RBM34: variants seen among roughly 807,000 people sequenced by gnomAD.
RBM34 encodes the protein RNA binding motif protein 34, also known as RNA-binding protein 34.
A neutral mutation model predicts 44.6 loss-of-function variants in RBM34; 39 were observed. That is an observed-to-expected ratio of 0.87 (90% CI 0.68 to 1.14). RBM34 has a LOEUF of 1.14. RBM34 is among the 50% of genes most tolerant of loss of function. RBM34 has a pLI of 0.00. For synonymous variants in RBM34, 194 were observed against 184.0 expected (o/e 1.05, Z -0.44); for missense variants, 572 against 517.9 (o/e 1.10, Z -1.01).
chr1:235,155,166 G>T, intron 3 of RBM34, 54 bp from the exon 4 acceptor site: 1 of 1,431,010 alleles, frequency 7.0e-7, no homozygotes, highest in Non-Finnish European at 9.7e-7. Context: ...GTTAGGTCTA[G>T]TATTTGACAA....
At position 235,137,780 on chromosome 1, in the gene RBM34, C is replaced by G. The variant is rs371536391; in HGVS notation, c.849+97G>C. ...AGGCTGTTTCCTTCTGCGCTTCCCT[C>G]ACATTGCTGATTCCAGTCCCCTTCC... On this transcript the variant is annotated intron_variant, in intron 8 of 10. Transcript: ENST00000408888. 8.5e-4 allele frequency: 794 copies of G among 929,972 alleles called. 14 individuals are homozygous for G. In the South Asian group the frequency reaches 0.013, roughly 15 times the overall value. The allele number at this position is 929,972 out of a possible 1,614,324, so 57.6% of individuals were successfully genotyped here.
At chr1:235,138,389 T>A (rs1052421590) in intron 6 of RBM34, among the ~76,000 whole-genome samples, 3 of 152,236 alleles carry the variant, frequency 2.0e-5, no homozygotes, top group Non-Finnish European at 2.9e-5. Context: ...CAACCCATAC[T>A]TTCTTAGGAA....
chr1:235,153,678 G>T (rs999398744), intron 4 of RBM34, among the ~76,000 whole-genome samples: 1 of 151,988 alleles, frequency 6.6e-6, no homozygotes, highest in Non-Finnish European at 1.5e-5. Flanking sequence ...CGCCCGCCTT[G>T]GCCTTCCAGA....
chr1:235,152,643 T>A (rs1388953902), intron 5 of RBM34, 63 bp downstream of exon 5: 1 of 1,574,162 alleles, frequency 6.4e-7, no homozygotes, highest in Admixed American at 2.0e-5. Context: ...CAGCAATAAG[T>A]TCATCTGATT....
rs781538865 is a variant in RBM34, at chr1:235,160,590, T to C, written c.286A>G (p.Arg96Gly). The C allele has an allele frequency of 1.9e-5, 31 of 1,613,990 alleles. No individual in the cohort carries two copies. The highest frequency in any genetic ancestry group is 1.6e-4 in the Middle Eastern group (1 of 6,084). The change falls in exon 3 of 11, where the codon AGA becomes GGA. Residue 96 changes from arginine (R) to glycine (G), a missense_variant. Coordinates refer to ENST00000408888, the MANE Select transcript of RBM34 (RefSeq NM_015014.4). ...EEEESTSQIE[R>G]PLSQEPAKKV... is the part of the protein sequence containing the mutation. Reference sequence around the variant, plus strand: ...TTGGCAGGTTCTTGCGAAAGTGGTCTTTCAATCTGGGATGTACTTTCTTCC... The same window carrying C: ...TTGGCAGGTTCTTGCGAAAGTGGTCCTTCAATCTGGGATGTACTTTCTTCC...
At chr1:235,151,616 T>C (rs1005001128) in intron 5 of RBM34, among the ~76,000 whole-genome samples, 1 of 152,100 alleles carries the variant, frequency 6.6e-6, no homozygotes, top group Non-Finnish European at 1.5e-5. Flanking sequence ...CCATGGATGT[T>C]ACTAAACATC....
At position 235,138,806 on chromosome 1, in the gene RBM34, T is replaced by C. The variant is rs528554674; in HGVS notation, c.702-632A>G. Among the ~76,000 whole-genome samples the C allele has an allele frequency of 5.9e-3, 632 of 107,778 alleles. 4 individuals are homozygous for C. Among genetic ancestry groups the C allele is most frequent in the Middle Eastern group, 0.016 (3 of 186 alleles). The allele number at this position is 107,778 out of a possible 152,430, so 70.7% of individuals were successfully genotyped here. A position where few individuals can be genotyped will look rare whatever the true frequency, so the allele number is the denominator to read the frequency against. On this transcript the variant is annotated intron_variant, in intron 6 of 10. Coordinates refer to ENST00000408888, the MANE Select transcript of RBM34 (RefSeq NM_015014.4). ...TTGACCTGATATGTCTTTTGAATCT[T>C]GTTTAATTTACAGAGTTTTCTCTGT...
At chr1:235,143,685 C>T (rs1204639736) in intron 6 of RBM34, among the ~76,000 whole-genome samples, 1 of 152,090 alleles carries the variant, frequency 6.6e-6, no homozygotes, top group African/African-American at 2.4e-5. Context: ...TTGCAATTAG[C>T]CGAGATGGTA....
At chr1:235,141,868 A>T (rs1229999427) in intron 6 of RBM34, among the ~76,000 whole-genome samples, 1 of 152,212 alleles carries the variant, frequency 6.6e-6, no homozygotes, top group African/African-American at 2.4e-5. Context: ...TCCGAACATC[A>T]GAAGGAACAG....
intron 3 of RBM34, 151 bp downstream of exon 3, chr1:235,160,360 C>T (rs1405354443): frequency 1.9e-6 from 2 of 1,037,006 alleles, no homozygotes; most frequent in African/African-American, 1.6e-5. Flanking sequence ...GTTTCTTAGC[C>T]TTTTCAACTT....
In RBM34 at chr1:235,155,187, T is replaced by C. The variant is rs917291557; in HGVS notation, c.366-75A>G. ...TCTAGTATTTGACAAAGCACAGCCC[T>C]ACCCTCCCGACTAGAAATATTTCCC... On this transcript the variant is annotated intron_variant, in intron 3 of 10. Transcript: ENST00000408888. 3.6e-6 allele frequency: 4 copies of C among 1,121,042 alleles called. No individual in the cohort carries two copies. In the South Asian group the frequency reaches 4.1e-5, roughly 12 times the overall value. The allele number at this position is 1,121,042 out of a possible 1,614,324, so 69.4% of individuals were successfully genotyped here. A position where few individuals can be genotyped will look rare whatever the true frequency, so the allele number is the denominator to read the frequency against.
At chr1:235,151,598 G>C (rs1026778426) in intron 5 of RBM34, among the ~76,000 whole-genome samples, 8 of 152,052 alleles carry the variant, frequency 5.3e-5, no homozygotes, top group Non-Finnish European at 8.8e-5. Flanking sequence ...GCATCTAGTG[G>C]GTAAAGACCA....
At chr1:235,154,799 ATGAC>A (rs562704727) in intron 4 of RBM34, 78 bp downstream of exon 4, 152 of 1,077,562 alleles carry the variant, frequency 1.4e-4, no homozygotes, top group Non-Finnish European at 1.8e-4. Context: ...AGTTATATCC[ATGAC>A]TTACTATTGA....
Position 235,161,201 on chromosome 1 carries a change from C to A in RBM34, c.26G>T (p.Arg9Leu). 6.2e-7 allele frequency: 1 copy of A among 1,610,372 alleles called. No individual in the cohort carries two copies. Among genetic ancestry groups the A allele is most frequent in the Non-Finnish European group, 8.5e-7 (1 of 1,177,918 alleles). The change falls in exon 1 of 11, where the codon CGG (arginine) becomes CTG (leucine). Residue 9 changes from arginine to leucine, a missense_variant. By Grantham distance (102) the Arg-to-Leu change is moderately radical. Transcript: ENST00000408888. Reference protein sequence around the residue: MALEGMSKRKRKRSVQEGE... With the variant: MALEGMSKLKRKRSVQEGE... Reference sequence around the variant, plus strand: ...CTCCTGGACACTTCTCTTTCTCTTCCGTTTGCTCATCCCTTCCAAGGCCAT... The same window carrying A: ...CTCCTGGACACTTCTCTTTCTCTTCAGTTTGCTCATCCCTTCCAAGGCCAT...
At chr1:235,148,816 T>C (rs997157794) in intron 5 of RBM34, among the ~76,000 whole-genome samples, 10 of 151,886 alleles carry the variant, frequency 6.6e-5, no homozygotes, top group African/African-American at 1.2e-4. Flanking sequence ...GCCAGGATGG[T>C]CTCGATCTCC....
chr1:235,158,145 T>A (rs1003074150), intron 3 of RBM34, among the ~76,000 whole-genome samples: 1 of 151,570 alleles, frequency 6.6e-6, no homozygotes, highest in Admixed American at 6.6e-5. Context: ...CCAGGCGCGG[T>A]GGCTCACGCC....
Position 235,152,538 on chromosome 1 carries a change from C to G in RBM34, c.657+168G>C. 4.4e-6 allele frequency: 6 copies of G among 1,356,258 alleles called. 1 individual carries two copies. In the South Asian group the frequency reaches 1.1e-4, roughly 26 times the overall value. 84.0% of individuals were successfully genotyped at this position (1,356,258 alleles called of 1,614,324 possible). Reference sequence around the variant, plus strand: ...AACTCAATACATTATTTAAAAAGTTCAAGAGTCAGCAGTAGATAGTAAGAG... The same window carrying G: ...AACTCAATACATTATTTAAAAAGTTGAAGAGTCAGCAGTAGATAGTAAGAG... On this transcript the variant is annotated intron_variant, in intron 5 of 10. Transcript: ENST00000408888.
At position 235,154,913 on chromosome 1, in the gene RBM34, C is replaced by G. The variant is rs755080982; in HGVS notation, c.565G>C (p.Val189Leu). Reference protein sequence around the residue: ...ERLKNERTVFVGNLPVTCNKK... With the variant: ...ERLKNERTVFLGNLPVTCNKK... ...TTACATGTAACAGGCAAATTCCCAACAAACACAGTTCTCTCATTCTTTAAT... is the reference window on the plus strand; with the variant it reads ...TTACATGTAACAGGCAAATTCCCAAGAAACACAGTTCTCTCATTCTTTAAT... Residue 189 changes from valine to leucine, a missense_variant, in exon 4 of 11, where the codon GTT (valine) becomes CTT (leucine). By Grantham distance (32) the Val-to-Leu change is conservative. Transcript: ENST00000408888. 18 of 1,613,850 alleles carry G rather than the reference C, an allele frequency of 1.1e-5. No individual in the cohort carries two copies. The highest frequency in any genetic ancestry group is 1.4e-5 in the Non-Finnish European group (17 of 1,179,958).
At chr1:235,160,382 C>T in intron 3 of RBM34, 129 bp downstream of exon 3, 1 of 1,233,010 alleles carries the variant, frequency 8.1e-7, no homozygotes, top group Non-Finnish European at 1.2e-6. Flanking sequence ...TCTATATGTA[C>T]TGGATTTTCC....
Sources: allele counts gnomAD v4.1 joint callset (sites outside exome capture counted in the v4.1 genomes callset), GRCh38; gene constraint gnomAD v4.1.1; transcripts MANE v1.5; gene names NCBI Gene and HGNC (gene_info 2026-07-23, HGNC 2026-07-21).